The following HELLS variants were observed in gnomAD, a reference collection of about 807,000 sequenced individuals.
The protein encoded by HELLS is helicase, lymphoid specific, also known as lymphoid-specific helicase.
A neutral mutation model predicts 120.0 loss-of-function variants in HELLS; 32 were observed. The observed-to-expected ratio is 0.27, with a 90% CI of 0.20 to 0.36. HELLS has a LOEUF of 0.36. HELLS is among the 10% of genes least tolerant of loss of function. The pLI is 1.00. For synonymous variants in HELLS, 341 were observed against 323.4 expected, an observed-to-expected ratio of 1.05 and a Z score of -0.58; for missense variants, 650 against 993.4, an observed-to-expected ratio of 0.65 and a Z score of 4.65.
rs747059168 is a variant in HELLS at position 94,576,729 on chromosome 10, G to A, written c.956G>A (p.Arg319Gln). The A allele has an allele frequency of 1.2e-6, 2 of 1,611,292 alleles. No individual in the cohort carries two copies. The highest frequency in any genetic ancestry group is 2.2e-5 in the East Asian group (1 of 44,832). The change falls in exon 10 of 22, where the codon CGG becomes CAG. Residue 319 changes from arginine to glutamine, a missense_variant. Transcript: ENST00000348459. ...RQKLVRNIYK[R>Q]KGTLQIHPVV... The stretch of plus-strand genomic sequence containing the variant: ...AAATTGGTAAGAAATATTTACAAAC[G>A]GAAAGGGACTTTGCAGATTCATCCT...
At position 94,583,922 on chromosome 10, in the gene HELLS, T is replaced by C. The variant is rs533195517; in HGVS notation, c.1326+863T>C. ...TTCCTCTTTTCAAAATTTTCAACAA[T>C]ATAAACAAGGTTGTAGTATCTGTAT... On this transcript the variant is annotated intron_variant, in intron 12 of 21. Transcript: ENST00000348459. The C allele has an allele frequency of 3.1e-5, 13 of 424,056 alleles. No homozygotes were observed. The South Asian group carries it at 8.2e-4, about 27-fold the overall frequency. The allele number at this position is 424,056 out of a possible 1,614,324, so 26.3% of individuals were successfully genotyped here.
At chr10:94,578,625 C>A (rs1288891006) in intron 10 of HELLS, among the ~76,000 whole-genome samples, 1 of 151,954 alleles carries the variant, frequency 6.6e-6, no homozygotes, top group South Asian at 2.1e-4. Context: ...ACCCGGGAGG[C>A]GGATGTTGCA....
intron 18 of HELLS, 137 bp downstream of exon 18, chr10:94,593,752 T>G (rs1042278376): frequency 1.7e-6 from 1 of 575,318 alleles, no homozygotes. Flanking sequence ...AACCTTCACC[T>G]CCTGGGTTCA....
intron 3 of HELLS, chr10:94,557,217 A>G (rs1333730163): frequency 4.8e-6 from 2 of 416,278 alleles, no homozygotes; most frequent in Admixed American, 2.6e-5. Flanking sequence ...AAATTGAGAG[A>G]ATACAGTAAG....
chr10:94,591,342 A>C (rs1054717128), intron 15 of HELLS, among the ~76,000 whole-genome samples: 1 of 152,192 alleles, frequency 6.6e-6, no homozygotes, highest in Non-Finnish European at 1.5e-5. Context: ...CATAGAATAA[A>C]ACCAGTTTTG....
chr10:94,604,847 TC>T (rs1409249719), downstream of HELLS, among the ~76,000 whole-genome samples: 23 of 152,092 alleles, frequency 1.5e-4, no homozygotes, highest in Non-Finnish European at 1.5e-4. Flanking sequence ...GTAATTTATA[TC>T]TAATCACTCT....
intron 12 of HELLS, among the ~76,000 whole-genome samples, chr10:94,583,812 TTAC>T (rs1844991937): frequency 6.6e-6 from 1 of 152,132 alleles, no homozygotes; most frequent in Non-Finnish European, 1.5e-5. Context: ...TATTTTCCTT[TTAC>T]TACATGTAGA....
chr10:94,573,951 T>C lies in HELLS; in HGVS notation c.478-9T>C, dbSNP rs1483341017. ...ATAACACATCTTATTAAACTTTTTT[T>C]CTCTACAGGATGAAAACTCCTCCTC... On this transcript the variant is annotated splice_polypyrimidine_tract_variant and intron_variant, in intron 7 of 21. Transcript: ENST00000348459. The C allele has an allele frequency of 1.3e-6, 2 of 1,547,182 alleles. No individual in the cohort carries two copies. Among genetic ancestry groups the C allele is most frequent in the South Asian group, 2.3e-5 (2 of 86,746 alleles).
intron 17 of HELLS, 26 bp downstream of exon 17, chr10:94,592,540 C>A: frequency 7.6e-7 from 1 of 1,322,860 alleles, no homozygotes; most frequent in South Asian, 2.4e-5. Flanking sequence ...TCATACATAC[C>A]AAACTATTCT....
At chr10:94,600,035 A>T (rs1246471368) in intron 21 of HELLS, among the ~76,000 whole-genome samples, 1 of 152,168 alleles carries the variant, frequency 6.6e-6, no homozygotes, top group Non-Finnish European at 1.5e-5. Context: ...TCATGCCTAT[A>T]ATCCTATCAC....
chr10:94,563,157 A>G (rs1011238083), intron 6 of HELLS, among the ~76,000 whole-genome samples: 12 of 149,256 alleles, frequency 8.0e-5, no homozygotes, highest in South Asian at 2.1e-4. Context: ...TTGCAGTGTC[A>G]CTATATCTGC....
chr10:94,561,920 C>T (rs192401271), intron 4 of HELLS, among the ~76,000 whole-genome samples: 3 of 151,778 alleles, frequency 2.0e-5, no homozygotes, highest in East Asian at 2.0e-4. Flanking sequence ...AAGGGTATTC[C>T]TTCAATACCC....
chr10:94,545,990 T>C (rs763028135), intron 1 of HELLS, 38 bp downstream of exon 1: 1 of 1,552,138 alleles, frequency 6.4e-7, no homozygotes, highest in East Asian at 2.4e-5. Flanking sequence ...GGTGGCAGCC[T>C]GCGGGGCTGA....
At position 94,562,712 on chromosome 10, in the gene HELLS, A is replaced by C; in HGVS notation, c.355A>C (p.Ser119Arg). 1.3e-6 allele frequency: 2 copies of C among 1,589,764 alleles called. No homozygotes were observed. The highest frequency in any genetic ancestry group is 1.7e-6 in the Non-Finnish European group (2 of 1,163,632). ...VKKGKNSIDA[S>R]EEKPVMRKKR... ...GTAGGGTAAAAATTCAATTGATGCA[A>C]GTGAAGAGAAGCCAGGTAAATATCC... Residue 119 changes from serine (S) to arginine (R), a missense_variant, in exon 5 of 22, where the codon AGT (serine) becomes CGT (arginine). Transcript: ENST00000348459.
At chr10:94,551,611 A>T (rs1167211515) in intron 2 of HELLS, among the ~76,000 whole-genome samples, 1 of 152,126 alleles carries the variant, frequency 6.6e-6, no homozygotes, top group African/African-American at 2.4e-5. Context: ...TATAGTGATG[A>T]TGTAATAGCT....
At chr10:94,546,703 A>C (rs1009495929) in intron 2 of HELLS, among the ~76,000 whole-genome samples, 2 of 152,226 alleles carry the variant, frequency 1.3e-5, no homozygotes, top group Non-Finnish European at 2.9e-5. Flanking sequence ...GTGTGTTTCT[A>C]TGAGATGTAG....
chr10:94,563,009 T>TTTGAATTTAATA, intron 6 of HELLS, 133 bp downstream of exon 6: 1 of 617,976 alleles, frequency 1.6e-6, no homozygotes, highest in Non-Finnish European at 2.8e-6. Flanking sequence ...TTATATATCA[T>TTTGAATTTAATA]TTATAGGTGA....
At chr10:94,551,332 A>G (rs1374074947) in intron 2 of HELLS, among the ~76,000 whole-genome samples, 1 of 152,094 alleles carries the variant, frequency 6.6e-6, no homozygotes, top group African/African-American at 2.4e-5. Flanking sequence ...GCACTTTGGG[A>G]GGCTGAGGCA....
chr10:94,578,070 C>CAAAAAAAAAAAAAAAAAAAAAAAAAAAA (rs58732872), intron 10 of HELLS, among the ~76,000 whole-genome samples: 1 of 60,840 alleles, frequency 1.6e-5, no homozygotes, highest in Non-Finnish European at 3.3e-5. Flanking sequence ...GACTCCGTCT[C>CAAAAAAAAAAAAAAAAAAAAAAAAAAAA]AAAAAAAAAA....
Sources: gnomAD v4.1 joint callset for allele counts (sites outside exome capture counted in the v4.1 genomes callset) on GRCh38, gnomAD v4.1.1 for gene constraint, MANE v1.5 for transcripts, NCBI Gene and HGNC (gene_info 2026-07-23, HGNC 2026-07-21) for gene names.